Variants in LRRC4C observed in about 807,000 individuals in gnomAD.
LRRC4C encodes the protein leucine-rich repeat-containing protein 4C.
In LRRC4C, 5 loss-of-function variants were observed where a neutral mutation model predicts 33.6. The observed-to-expected ratio is 0.15, with a 90% CI of 0.08 to 0.31. The LOEUF (loss-of-function observed/expected upper bound fraction) is 0.31, where lower values mean the gene tolerates loss of function less well. Ranked by LOEUF, LRRC4C falls within the 10% of genes least tolerant of loss-of-function variation. The pLI is 1.00. For synonymous variants in LRRC4C, 329 were observed against 302.0 expected (o/e 1.09, Z -0.93); for missense variants, 560 against 796.7 (o/e 0.70, Z 3.58).
chr11:40,579,868 T>C (rs1423130644), intron 3 of LRRC4C, among the ~76,000 whole-genome samples: 3 of 152,164 alleles, frequency 2.0e-5, no homozygotes, highest in African/African-American at 7.2e-5. Context: ...TTCGCTCACT[T>C]CAATCCCCAT....
At chr11:40,678,765 G>A (rs1944535586) in intron 2 of LRRC4C, among the ~76,000 whole-genome samples, 2 of 152,162 alleles carry the variant, frequency 1.3e-5, no homozygotes, top group Non-Finnish European at 2.9e-5. Context: ...ATGTGGAACT[G>A]TGAGTCAGTG....
chr11:40,512,287 T>A (rs958021352), intron 3 of LRRC4C, among the ~76,000 whole-genome samples: 4 of 152,066 alleles, frequency 2.6e-5, no homozygotes, highest in Admixed American at 6.6e-5. Context: ...GGTGAGAGAA[T>A]TGCTTCAACC....
intron 2 of LRRC4C, among the ~76,000 whole-genome samples, chr11:40,829,616 T>G (rs1952319757): frequency 6.6e-6 from 1 of 152,182 alleles, no homozygotes; most frequent in Admixed American, 6.6e-5. Flanking sequence ...GTGCCAAAAC[T>G]AATGACATTT....
intron 1 of LRRC4C, among the ~76,000 whole-genome samples, chr11:41,430,909 G>A (rs1394241354): frequency 1.3e-5 from 2 of 151,886 alleles, no homozygotes; most frequent in Non-Finnish European, 2.9e-5. Flanking sequence ...TTTACATGAG[G>A]AATACATTCT....
rs185420533 is a variant in LRRC4C at position 41,113,631 on chromosome 11, C to T, written c.-495-179908G>A. ...AGCAGACTGGGATACCTTGGCTGTACGCTTCTTCTCTACCAAGCAATCTGA... is the reference window on the plus strand; with the variant it reads ...AGCAGACTGGGATACCTTGGCTGTATGCTTCTTCTCTACCAAGCAATCTGA... On this transcript the variant is annotated intron_variant, in intron 1 of 6. Coordinates refer to ENST00000528697, the MANE Select transcript of LRRC4C (RefSeq NM_001258419.2). Among the ~76,000 whole-genome samples, 24 of 152,166 alleles carry T rather than the reference C, an allele frequency of 1.6e-4. No individual in the cohort carries two copies. The East Asian group carries it at 4.1e-3, about 26-fold the overall frequency.
intron 3 of LRRC4C, among the ~76,000 whole-genome samples, chr11:40,560,259 C>T (rs1233638101): frequency 7.2e-6 from 1 of 138,142 alleles, no homozygotes; most frequent in African/African-American, 2.6e-5. Context: ...ATCAGTCCTA[C>T]AAGATTTGTA....
At chr11:41,383,145 C>T (rs1291905531) in intron 1 of LRRC4C, among the ~76,000 whole-genome samples, 1 of 151,980 alleles carries the variant, frequency 6.6e-6, no homozygotes, top group East Asian at 1.9e-4. Flanking sequence ...TCTGCAATTG[C>T]TTATCAGAAA....
At chr11:40,404,514 A>T (rs767346460) in intron 3 of LRRC4C, among the ~76,000 whole-genome samples, 10 of 152,084 alleles carry the variant, frequency 6.6e-5, no homozygotes, top group Admixed American at 1.3e-4. Flanking sequence ...TCCCACATGG[A>T]TAATTCCTTC....
At chr11:40,725,728 G>A (rs1034547257) in intron 2 of LRRC4C, among the ~76,000 whole-genome samples, 5 of 152,120 alleles carry the variant, frequency 3.3e-5, no homozygotes, top group African/African-American at 1.2e-4. Flanking sequence ...TTCTCTGCCT[G>A]TACATGCCTA....
chr11:41,149,977 C>T (rs1041146213), intron 1 of LRRC4C, among the ~76,000 whole-genome samples: 2 of 152,138 alleles, frequency 1.3e-5, no homozygotes, highest in Non-Finnish European at 2.9e-5. Flanking sequence ...AGAAAAAATA[C>T]ATTTATCTGC....
intron 1 of LRRC4C, among the ~76,000 whole-genome samples, chr11:41,342,840 T>A (rs1160582578): frequency 3.5e-4 from 54 of 152,204 alleles, no homozygotes. Flanking sequence ...AGTTGGTGAC[T>A]TAAAATAACA....
At chr11:40,225,861 C>T (rs181920862) in intron 5 of LRRC4C, among the ~76,000 whole-genome samples, 71 of 152,258 alleles carry the variant, frequency 4.7e-4, no homozygotes, top group East Asian at 2.1e-3. Flanking sequence ...TCAGGTGATC[C>T]GCCCGCCTCG....
At chr11:40,959,336 C>T (rs926778304) in intron 1 of LRRC4C, among the ~76,000 whole-genome samples, 5 of 151,612 alleles carry the variant, frequency 3.3e-5, no homozygotes, top group African/African-American at 1.2e-4. Context: ...CCAGAATATT[C>T]CAGGTTTATT....
intron 1 of LRRC4C, among the ~76,000 whole-genome samples, chr11:41,145,077 A>C (rs972166374): frequency 3.3e-5 from 5 of 152,202 alleles, no homozygotes; most frequent in Non-Finnish European, 7.4e-5. Flanking sequence ...AAAAATAAGC[A>C]TACGTAATAC....
At chr11:40,324,820 C>T (rs1261502801) in intron 3 of LRRC4C, among the ~76,000 whole-genome samples, 1 of 152,116 alleles carries the variant, frequency 6.6e-6, no homozygotes, top group Non-Finnish European at 1.5e-5. Flanking sequence ...AACTGAAGAG[C>T]GTAAGCTTTG....
At chr11:40,469,278 G>T (rs1197844617) in intron 3 of LRRC4C, among the ~76,000 whole-genome samples, 3 of 152,160 alleles carry the variant, frequency 2.0e-5, no homozygotes, top group African/African-American at 4.8e-5. Flanking sequence ...AGCAAAAGGG[G>T]TTGGTGAACT....
At chr11:41,350,203 A>G (rs1281143819) in intron 1 of LRRC4C, among the ~76,000 whole-genome samples, 1 of 152,182 alleles carries the variant, frequency 6.6e-6, no homozygotes, top group Non-Finnish European at 1.5e-5. Flanking sequence ...CCACTGACCT[A>G]TAAGATCTTT....
chr11:40,651,230 T>A (rs1004050063), intron 2 of LRRC4C, among the ~76,000 whole-genome samples: 22 of 152,170 alleles, frequency 1.4e-4, no homozygotes, highest in African/African-American at 5.3e-4. Flanking sequence ...TCTGTTTTAT[T>A]AGAGGAATAT....
At chr11:41,283,557 A>G (rs1423667321) in intron 1 of LRRC4C, among the ~76,000 whole-genome samples, 1 of 152,228 alleles carries the variant, frequency 6.6e-6, no homozygotes, top group Non-Finnish European at 1.5e-5. Flanking sequence ...ATTGTATCAG[A>G]TTAAAATTTC....
Sources: allele counts gnomAD v4.1 joint callset (sites outside exome capture counted in the v4.1 genomes callset), GRCh38; gene constraint gnomAD v4.1.1; transcripts MANE v1.5; gene names NCBI Gene and HGNC (gene_info 2026-07-23, HGNC 2026-07-21).